CCBE1: variants seen among roughly 807,000 people sequenced by gnomAD.
CCBE1 encodes collagen and calcium binding EGF domains 1, also known as collagen and calcium-binding EGF domain-containing protein 1.
A neutral mutation model predicts 50.0 loss-of-function variants in CCBE1; 37 were observed. The ratio of observed to expected loss-of-function variants is 0.74; its 90% CI spans 0.57 to 0.97. The LOEUF is 0.97. CCBE1 is among the 50% of genes least tolerant of loss of function. The pLI is 0.00. For missense variants in CCBE1, 538 were observed against 523.8 expected, an observed-to-expected ratio of 1.03 and a Z score of -0.26; for synonymous variants, 234 against 203.7, an observed-to-expected ratio of 1.15 and a Z score of -1.27.
chr18:59,558,437 C>G (rs1469135866), intron 2 of CCBE1, among the ~76,000 whole-genome samples: 1 of 152,188 alleles, frequency 6.6e-6, no homozygotes, highest in African/African-American at 2.4e-5. Context: ...GTACTTTGGT[C>G]AAGGAATAGG....
At chr18:59,501,158 T>A (rs1913601185) in intron 2 of CCBE1, among the ~76,000 whole-genome samples, 2 of 152,170 alleles carry the variant, frequency 1.3e-5, no homozygotes, top group African/African-American at 4.8e-5. Context: ...CAGACATGGA[T>A]GTGGTGATGC....
intron 2 of CCBE1, among the ~76,000 whole-genome samples, chr18:59,585,707 C>T (rs2053169818): frequency 6.6e-6 from 1 of 152,192 alleles, no homozygotes; most frequent in African/African-American, 2.4e-5. Context: ...CACCCTGATC[C>T]ACTCCTCATC....
At chr18:59,480,457 T>C (rs1002978811) in intron 2 of CCBE1, among the ~76,000 whole-genome samples, 1 of 152,158 alleles carries the variant, frequency 6.6e-6, no homozygotes, top group South Asian at 2.1e-4. Flanking sequence ...CTACATAATA[T>C]ATGAAATCAA....
chr18:59,444,393 C>T (rs1284778652), intron 7 of CCBE1, among the ~76,000 whole-genome samples: 1 of 152,042 alleles, frequency 6.6e-6, no homozygotes. Flanking sequence ...CTGCTTAAGC[C>T]TCCTGATATG....
intron 2 of CCBE1, among the ~76,000 whole-genome samples, chr18:59,582,646 A>T (rs2053102620): frequency 6.6e-6 from 1 of 152,014 alleles, no homozygotes; most frequent in East Asian, 1.9e-4. Context: ...CAGCCCCAAT[A>T]GCTCAGGGTG....
At chr18:59,550,558 T>C (rs1915873578) in intron 2 of CCBE1, among the ~76,000 whole-genome samples, 1 of 152,096 alleles carries the variant, frequency 6.6e-6, no homozygotes, top group South Asian at 2.1e-4. Flanking sequence ...AAAGTACTCA[T>C]AGGTTCCCTC....
chr18:59,611,108 C>T (rs865988278), intron 2 of CCBE1, among the ~76,000 whole-genome samples: 1 of 152,252 alleles, frequency 6.6e-6, no homozygotes, highest in Non-Finnish European at 1.5e-5. Context: ...TCCACACCTG[C>T]ATGGTTCTGA....
At chr18:59,628,008 T>C (rs542533104) in intron 2 of CCBE1, among the ~76,000 whole-genome samples, 3 of 151,416 alleles carry the variant, frequency 2.0e-5, no homozygotes, top group Non-Finnish European at 2.9e-5. Context: ...AGCCCAAGAG[T>C]TCAAGACCAG....
At chr18:59,609,045 G>A (rs1464330084) in intron 2 of CCBE1, among the ~76,000 whole-genome samples, 3 of 152,198 alleles carry the variant, frequency 2.0e-5, no homozygotes, top group Non-Finnish European at 4.4e-5. Flanking sequence ...TGTCATATGT[G>A]CATCTGTTGA....
chr18:59,669,180 A>G (rs1467096481), intron 2 of CCBE1, among the ~76,000 whole-genome samples: 1 of 152,046 alleles, frequency 6.6e-6, no homozygotes, highest in Non-Finnish European at 1.5e-5. Flanking sequence ...TTTTAGCTAC[A>G]CTTATTTTCC....
chr18:59,696,069 A>G (rs2054799752), intron 2 of CCBE1, among the ~76,000 whole-genome samples: 1 of 152,160 alleles, frequency 6.6e-6, no homozygotes, highest in South Asian at 2.1e-4. Context: ...CACTCATTTA[A>G]CAAATACCCA....
intron 2 of CCBE1, among the ~76,000 whole-genome samples, chr18:59,692,188 A>G (rs959776991): frequency 6.6e-6 from 1 of 152,226 alleles, no homozygotes; most frequent in African/African-American, 2.4e-5. Flanking sequence ...TTGAGCATCT[A>G]AAACATTCAA....
At chr18:59,530,577 C>T (rs1043737365) in intron 2 of CCBE1, among the ~76,000 whole-genome samples, 1 of 152,196 alleles carries the variant, frequency 6.6e-6, no homozygotes, top group Admixed American at 6.5e-5. Context: ...CTCTTTCCCT[C>T]CTGTACACTG....
chr18:59,455,803 G>T (rs987457217), intron 5 of CCBE1, among the ~76,000 whole-genome samples: 4 of 152,246 alleles, frequency 2.6e-5, no homozygotes, highest in African/African-American at 9.6e-5. Context: ...GTGCTAGGTT[G>T]AGGGTGTTTT....
chr18:59,612,832 T>G (rs1029544842), intron 2 of CCBE1, among the ~76,000 whole-genome samples: 1 of 112,322 alleles, frequency 8.9e-6, no homozygotes, highest in African/African-American at 3.5e-5. Flanking sequence ...TTTTGTTTTT[T>G]TTTGTTTTTG....
At chr18:59,472,684 A>T (rs1033420213) in intron 3 of CCBE1, among the ~76,000 whole-genome samples, 3 of 152,158 alleles carry the variant, frequency 2.0e-5, no homozygotes, top group African/African-American at 7.2e-5. Context: ...GAACCTAGGG[A>T]TGCCCATCAC....
intron 2 of CCBE1, among the ~76,000 whole-genome samples, chr18:59,661,966 T>TAAAAA (rs34765491): frequency 6.7e-6 from 1 of 148,674 alleles, no homozygotes; most frequent in African/African-American, 2.5e-5. Context: ...GACTCAGTCT[T>TAAAAA]AAAAAAAAAA....
At chr18:59,603,507 A>G (rs764288452) in intron 2 of CCBE1, among the ~76,000 whole-genome samples, 1 of 152,102 alleles carries the variant, frequency 6.6e-6, no homozygotes, top group South Asian at 2.1e-4. Context: ...CAGGGAAGAT[A>G]CCTCCCTGCT....
intron 2 of CCBE1, among the ~76,000 whole-genome samples, chr18:59,516,225 C>T (rs967984732): frequency 6.6e-6 from 1 of 151,702 alleles, no homozygotes; most frequent in African/African-American, 2.4e-5. Flanking sequence ...TCCCAAAGTG[C>T]TGGGATTACA....
Sources: allele counts gnomAD v4.1 joint callset (sites outside exome capture counted in the v4.1 genomes callset), GRCh38; gene constraint gnomAD v4.1.1; transcripts MANE v1.5; gene names NCBI Gene and HGNC (gene_info 2026-07-23, HGNC 2026-07-21).